The following KYNU variants were observed in gnomAD, a reference collection of about 807,000 sequenced individuals.
KYNU encodes L-kynurenine hydrolase.
KYNU carries 54 observed loss-of-function variants against 59.2 expected under a neutral mutation model. That is an observed-to-expected ratio of 0.91 (90% CI 0.73 to 1.14). KYNU has a LOEUF of 1.14. KYNU is among the 50% of genes most tolerant of loss of function. The pLI is 0.00. For missense variants in KYNU, 567 were observed against 554.4 expected (o/e 1.02, Z -0.23); for synonymous variants, 177 against 192.0 (o/e 0.92, Z 0.65).
At chr2:142,935,848 C>A (rs763086873) in intron 4 of KYNU, among the ~76,000 whole-genome samples, 4 of 151,940 alleles carry the variant, frequency 2.6e-5, no homozygotes, top group Non-Finnish European at 4.4e-5. Flanking sequence ...AGGATACATA[C>A]GGGCGTAAGG....
At chr2:142,892,558 G>A (rs527260677) in intron 2 of KYNU, among the ~76,000 whole-genome samples, 1 of 152,188 alleles carries the variant, frequency 6.6e-6, no homozygotes, top group African/African-American at 2.4e-5. Flanking sequence ...GTATAATAGG[G>A]TGAAGAGTAA....
At chr2:143,031,887 G>A (rs915497848) in intron 11 of KYNU, among the ~76,000 whole-genome samples, 3 of 152,128 alleles carry the variant, frequency 2.0e-5, no homozygotes, top group African/African-American at 7.2e-5. Flanking sequence ...GGAAGTCTCA[G>A]GAAACTTACA....
intron 1 of KYNU, chr2:142,879,408 G>A (rs979654903): frequency 2.6e-5 from 4 of 152,216 alleles, no homozygotes; most frequent in Non-Finnish European, 1.5e-5. Context: ...ACTGGACTGG[G>A]AAGGATGGAT....
rs552651259 is a variant in KYNU at position 143,050,844 on chromosome 2, T to C, written c.*8672T>C. 6.6e-6 allele frequency: 1 copy of C among 152,328 alleles called. No homozygotes were observed. Among genetic ancestry groups the C allele is most frequent in the South Asian group, 2.1e-4 (1 of 4,832 alleles). The allele number at this position is 152,328 out of a possible 1,614,324, so 9.4% of individuals were successfully genotyped here. ...CTGAAGTTGTTAGAACATTGATTTT[T>C]TTAAGTAAATGGATTTTTGCACCAC... On this transcript the variant is annotated 3_prime_UTR_variant, in exon 14 of 14. Coordinates refer to ENST00000264170, the MANE Select transcript of KYNU (RefSeq NM_003937.3).
chr2:142,887,872 C>T (rs1681570497), intron 2 of KYNU, among the ~76,000 whole-genome samples: 1 of 152,168 alleles, frequency 6.6e-6, no homozygotes, highest in Non-Finnish European at 1.5e-5. Context: ...GAATTGTACA[C>T]TTAAAATTGT....
intron 4 of KYNU, among the ~76,000 whole-genome samples, chr2:142,940,248 T>G (rs1174828269): frequency 6.6e-6 from 1 of 152,250 alleles, no homozygotes; most frequent in Non-Finnish European, 1.5e-5. Context: ...GTGCTTCTCT[T>G]AGCTGTGAAT....
chr2:143,001,939 C>G (rs1685717671), intron 10 of KYNU, among the ~76,000 whole-genome samples: 1 of 152,110 alleles, frequency 6.6e-6, no homozygotes, highest in Non-Finnish European at 1.5e-5. Flanking sequence ...TAAACTATTC[C>G]TTTTGAACAG....
chr2:142,982,701 CT>C (rs1363860410), intron 8 of KYNU, among the ~76,000 whole-genome samples: 3 of 152,074 alleles, frequency 2.0e-5, no homozygotes, highest in African/African-American at 4.8e-5. Context: ...CATTCTTCCT[CT>C]TTATTTTTGG....
intron 10 of KYNU, among the ~76,000 whole-genome samples, chr2:143,007,237 G>C (rs1241740369): frequency 5.3e-5 from 8 of 149,922 alleles, no homozygotes; most frequent in Admixed American, 5.3e-4. Context: ...TGAAAACCAA[G>C]GCTCGAGAAC....
At chr2:142,971,336 T>C (rs751294550) in intron 8 of KYNU, 4 of 150,354 alleles carry the variant, frequency 2.7e-5, no homozygotes, top group Admixed American at 6.7e-5. Context: ...GTGTGTGTAT[T>C]CATGCTTATG....
At chr2:143,035,912 A>C (rs941470540) in intron 12 of KYNU, among the ~76,000 whole-genome samples, 1 of 152,120 alleles carries the variant, frequency 6.6e-6, no homozygotes, top group African/African-American at 2.4e-5. Context: ...AGCTGGGACT[A>C]CAAGAGTGCA....
chr2:142,976,328 T>A (rs1197990443), intron 8 of KYNU, among the ~76,000 whole-genome samples: 4 of 152,172 alleles, frequency 2.6e-5, no homozygotes, highest in Non-Finnish European at 5.9e-5. Context: ...TGCTTACTTA[T>A]CAAGGCTCCA....
intron 2 of KYNU, among the ~76,000 whole-genome samples, chr2:142,909,248 A>G (rs1682403335): frequency 2.6e-5 from 4 of 152,170 alleles, no homozygotes; most frequent in Admixed American, 2.6e-4. Flanking sequence ...ACATAATTAC[A>G]ATTCAGATTA....
intron 10 of KYNU, among the ~76,000 whole-genome samples, chr2:142,994,133 A>G (rs1377742330): frequency 6.6e-6 from 1 of 151,740 alleles, no homozygotes; most frequent in African/African-American, 2.4e-5. Flanking sequence ...CTACATTTTC[A>G]TGTGTTCTTG....
intron 2 of KYNU, 35 bp from the exon 3 acceptor site, chr2:142,918,567 CTTTTATT>C: frequency 6.9e-7 from 1 of 1,447,966 alleles, no homozygotes; most frequent in Non-Finnish European, 9.2e-7. Context: ...ACTGAAAAAG[CTTTTATT>C]TTTTTTTTTT....
chr2:142,983,058 T>C (rs1337119139), intron 8 of KYNU, among the ~76,000 whole-genome samples: 1 of 151,256 alleles, frequency 6.6e-6, no homozygotes, highest in Non-Finnish European at 1.5e-5. Context: ...ACAATAACCA[T>C]TGATTTTATG....
chr2:142,934,604 GT>G (rs1310608717), intron 4 of KYNU, among the ~76,000 whole-genome samples: 2 of 152,114 alleles, frequency 1.3e-5, no homozygotes, highest in Non-Finnish European at 2.9e-5. Context: ...AACTCAGTGG[GT>G]CCTGAAAAAT....
chr2:143,032,048 C>T lies in KYNU; in HGVS notation c.956-1188C>T, dbSNP rs138201384. Among the ~76,000 whole-genome samples the T allele has an allele frequency of 3.9e-3, 589 of 152,166 alleles. 8 individuals are homozygous for T. The highest frequency in any genetic ancestry group is 0.013 in the African/African-American group (560 of 41,524). On this transcript the variant is annotated intron_variant, in intron 11 of 13. Coordinates refer to ENST00000264170, the MANE Select transcript of KYNU (RefSeq NM_003937.3). ...ATCCCAGCACTTTGGGAGGCCAAGGCGGGCGGATCACGAGGTCAGGAGATC... is the reference window on the plus strand; with the variant it reads ...ATCCCAGCACTTTGGGAGGCCAAGGTGGGCGGATCACGAGGTCAGGAGATC...
intron 8 of KYNU, among the ~76,000 whole-genome samples, chr2:142,973,213 T>C (rs552072601): frequency 1.2e-4 from 19 of 152,054 alleles, no homozygotes; most frequent in African/African-American, 4.3e-4. Flanking sequence ...TTTATTTTCT[T>C]GGTAATCTGA....
Sources: allele counts gnomAD v4.1 joint callset (sites outside exome capture counted in the v4.1 genomes callset), GRCh38; gene constraint gnomAD v4.1.1; transcripts MANE v1.5; gene names NCBI Gene and HGNC (gene_info 2026-07-23, HGNC 2026-07-21).